EIF2AK4: variants seen among roughly 807,000 people sequenced by gnomAD.
EIF2AK4 encodes eukaryotic translation initiation factor 2 alpha kinase 4, also known as eIF-2-alpha kinase GCN2.
Under a neutral mutation model 211.1 loss-of-function variants are expected in EIF2AK4, and 139 were observed. That is an observed-to-expected ratio of 0.66 (90% CI 0.57 to 0.76). The LOEUF (loss-of-function observed/expected upper bound fraction) is 0.76. EIF2AK4 is among the 30% of genes least tolerant of loss of function. The probability of loss-of-function intolerance (pLI) is 0.00; values close to 1 mark genes in which losing one functional copy is unlikely to be tolerated. For synonymous variants in EIF2AK4, 710 were observed against 751.3 expected (o/e 0.94, Z 0.90); for missense variants, 1,664 against 2,043.8 (o/e 0.81, Z 3.58).
rs377271939 is a variant in EIF2AK4, at chr15:40,003,691, A to G, written c.3357+377A>G. Among the ~76,000 whole-genome samples the G allele has an allele frequency of 1.4e-4, 22 of 152,312 alleles. No homozygotes were observed. In the East Asian group the frequency reaches 2.3e-3, roughly 16 times the overall value. Reference sequence around the variant, plus strand: ...CTTCAGTAAACATCCTAACATGTTAATGCCTAGAACAGTTAAATTCTTCTA... The same window carrying G: ...CTTCAGTAAACATCCTAACATGTTAGTGCCTAGAACAGTTAAATTCTTCTA... On this transcript the variant is annotated intron_variant, in intron 23 of 38. Transcript: ENST00000263791.
intron 11 of EIF2AK4, chr15:39,975,008 C>T (rs2034674656): frequency 6.6e-6 from 1 of 152,126 alleles, no homozygotes; most frequent in African/African-American, 2.4e-5. Context: ...GACAGGAGAT[C>T]GAAAGGCAAT....
At position 39,976,777 on chromosome 15, in the gene EIF2AK4, C is replaced by A; in HGVS notation, c.2182C>A (p.Pro728Thr). The change falls in exon 12 of 39, where the codon CCG becomes ACG. Residue 728 changes from proline to threonine, a missense_variant. Pro to Thr is a conservative substitution (Grantham distance 38, BLOSUM62 -1). Transcript: ENST00000263791. Reference protein sequence around the residue: ...SASARFPATGPGSSDDEDDDE... With the variant: ...SASARFPATGTGSSDDEDDDE... Reference sequence around the variant, plus strand: ...CAGTGCCCGTTTCCCCGCCACCGGCCCGGGCTCCAGCGATGACGAGGACGA... The same window carrying A: ...CAGTGCCCGTTTCCCCGCCACCGGCACGGGCTCCAGCGATGACGAGGACGA... 6.3e-7 allele frequency: 1 copy of A among 1,590,052 alleles called. No homozygotes were observed.
Position 39,992,243 on chromosome 15 carries a change from A to G in EIF2AK4, c.2686+14A>G. 1 of 1,595,638 alleles carries G rather than the reference A, an allele frequency of 6.3e-7. No homozygotes were observed. Among genetic ancestry groups the G allele is most frequent in the East Asian group, 2.2e-5 (1 of 44,576 alleles). Reference sequence around the variant, plus strand: ...CAGACCCTTCAGGTAAACCCAGAAGACTATATATTTCATCCATGTGTTAAA... The same window carrying G: ...CAGACCCTTCAGGTAAACCCAGAAGGCTATATATTTCATCCATGTGTTAAA... On this transcript the variant is annotated intron_variant, in intron 17 of 38. Transcript: ENST00000263791.
intron 27 of EIF2AK4, 128 bp from the exon 28 acceptor site, chr15:40,016,374 T>A: frequency 8.4e-7 from 1 of 1,185,934 alleles, no homozygotes; most frequent in Non-Finnish European, 1.2e-6. Context: ...AAGCCTAAAA[T>A]AATCTTTGAC....
intron 12 of EIF2AK4, 132 bp downstream of exon 12, chr15:39,976,976 G>A: frequency 8.4e-7 from 1 of 1,187,942 alleles, no homozygotes; most frequent in Admixed American, 4.0e-5. Context: ...TTTGAGATAG[G>A]GTCTTGCTCT....
At position 40,017,236 on chromosome 15, in the gene EIF2AK4, C is replaced by T; in HGVS notation, c.4059C>T (p.Asp1353=). ...PEILAAGGRY[D]LLIPQFRGPQ... Reference sequence around the variant, plus strand: ...TCCTCGCAGCTGGAGGCAGATATGACCTGCTGGTGAGGGCTTGCCCTTTAT... The same window carrying T: ...TCCTCGCAGCTGGAGGCAGATATGATCTGCTGGTGAGGGCTTGCCCTTTAT... The change falls in exon 29 of 39, where the codon GAC becomes GAT. Residue 1353 remains aspartate (D), a synonymous_variant. Coordinates refer to ENST00000263791, the MANE Select transcript of EIF2AK4 (RefSeq NM_001013703.4). 1 of 1,612,324 alleles carries T rather than the reference C, an allele frequency of 6.2e-7. No homozygotes were observed. Among genetic ancestry groups the T allele is most frequent in the Non-Finnish European group, 8.5e-7 (1 of 1,178,618 alleles).
intron 7 of EIF2AK4, among the ~76,000 whole-genome samples, chr15:39,963,260 C>G (rs533959910): frequency 6.6e-6 from 1 of 152,294 alleles, no homozygotes; most frequent in Admixed American, 6.5e-5. Flanking sequence ...GTCCTTGACT[C>G]AGACATTTCA....
chr15:40,027,734 C>G (rs188021771), intron 33 of EIF2AK4, among the ~76,000 whole-genome samples: 48 of 151,908 alleles, frequency 3.2e-4, no homozygotes, highest in African/African-American at 9.7e-4. Context: ...ACTAAAGATA[C>G]AAAAAAATTA....
chr15:39,971,074 C>T (rs1295982262), intron 9 of EIF2AK4, among the ~76,000 whole-genome samples: 4 of 152,264 alleles, frequency 2.6e-5, no homozygotes, highest in East Asian at 3.9e-4. Flanking sequence ...GCTACCAAGT[C>T]GTACTACTTG....
At chr15:39,954,394 AG>A (rs1218092915) in intron 5 of EIF2AK4, among the ~76,000 whole-genome samples, 1 of 152,212 alleles carries the variant, frequency 6.6e-6, no homozygotes, top group Non-Finnish European at 1.5e-5. Flanking sequence ...CTGGGATTAC[AG>A]GCGTATGCCA....
Position 39,976,819 on chromosome 15 carries a change from G to C in EIF2AK4, c.2224G>C (p.Gly742Arg). The C allele has an allele frequency of 6.5e-7, 1 of 1,548,610 alleles. No homozygotes were observed. Among genetic ancestry groups the C allele is most frequent in the South Asian group, 1.2e-5 (1 of 82,546 alleles). ...DDEDDDEDEHGGVFSQSFLPA... is the reference protein window; with the variant it reads ...DDEDDDEDEHRGVFSQSFLPA... ...CGAGGACGACGACGAGGACGAGCAC[G>C]GTGGCGTCTTCTCCCAGTCCTTCCT... The change falls in exon 12 of 39, where the codon GGT becomes CGT. Residue 742 changes from glycine (G) to arginine (R), a missense_variant. By Grantham distance (125) the Gly-to-Arg change is moderately radical (BLOSUM62 -2). Transcript: ENST00000263791.
Position 40,035,319 on chromosome 15 carries a change from A to C in EIF2AK4, c.*235A>C, listed in dbSNP as rs2035601645. 2 of 279,890 alleles carry C rather than the reference A, an allele frequency of 7.1e-6. No homozygotes were observed. The highest frequency in any genetic ancestry group is 1.3e-5 in the Non-Finnish European group (2 of 152,312). The allele number at this position is 279,890 out of a possible 1,614,324, so 17.3% of individuals were successfully genotyped here. A position where few individuals can be genotyped will look rare whatever the true frequency, so the allele number is the denominator to read the frequency against. ...ACCCCATCTCTATAAAAACTAAAAA[A>C]ATTAGTTGGGCATGGTGGCACATGC... On this transcript the variant is annotated 3_prime_UTR_variant, in exon 39 of 39. Transcript: ENST00000263791.
intron 3 of EIF2AK4, among the ~76,000 whole-genome samples, chr15:39,946,279 C>CA (rs2034226549): frequency 6.6e-6 from 1 of 152,122 alleles, no homozygotes; most frequent in South Asian, 2.1e-4. Flanking sequence ...GTCAAAACAT[C>CA]AACATGAACA....
At chr15:39,990,178 C>G (rs984811319) in intron 15 of EIF2AK4, 95 bp from the exon 16 acceptor site, 1 of 1,229,576 alleles carries the variant, frequency 8.1e-7, no homozygotes. Flanking sequence ...AGACCTCATA[C>G]GATTTTCATC....
intron 38 of EIF2AK4, 73 bp from the exon 39 acceptor site, chr15:40,034,954 A>T: frequency 8.1e-7 from 1 of 1,235,582 alleles, no homozygotes; most frequent in Non-Finnish European, 1.1e-6. Flanking sequence ...TACAGGTGTT[A>T]TAAAAATTTA....
At chr15:40,001,247 A>G (rs1595420956) in intron 21 of EIF2AK4, 23 bp downstream of exon 21, 5 of 1,608,196 alleles carry the variant, frequency 3.1e-6, no homozygotes, top group Non-Finnish European at 4.2e-6. Context: ...CACGCTGCAC[A>G]AAGGGAGCTT....
intron 23 of EIF2AK4, among the ~76,000 whole-genome samples, 198 bp downstream of exon 23, chr15:40,003,512 T>C (rs1424077884): frequency 6.6e-6 from 1 of 152,224 alleles, no homozygotes; most frequent in Non-Finnish European, 1.5e-5. Context: ...ACCTTCCTAA[T>C]AGCTCAGGTG....
Position 40,035,070 on chromosome 15 carries a change from A to T in EIF2AK4, c.4936A>T (p.Arg1646Ter), listed in dbSNP as rs775047726. ...FLYSYRDDYY[R>*]ILF Reference sequence around the variant, plus strand: ...GTACAGCTATAGAGATGACTACTACAGAATCTTATTTTAACCCTAAAGAAC... The same window carrying T: ...GTACAGCTATAGAGATGACTACTACTGAATCTTATTTTAACCCTAAAGAAC... Residue 1646 changes from arginine to a stop codon, truncating the protein, a stop_gained, in exon 39 of 39, where the codon AGA (arginine) becomes TGA (stop). Coordinates refer to ENST00000263791, the MANE Select transcript of EIF2AK4 (RefSeq NM_001013703.4). LOFTEE classifies it high-confidence loss of function. 1 of 1,583,598 alleles carries T rather than the reference A, an allele frequency of 6.3e-7. No individual in the cohort carries two copies. Among genetic ancestry groups the T allele is most frequent in the Non-Finnish European group, 8.6e-7 (1 of 1,165,106 alleles).
intron 27 of EIF2AK4, among the ~76,000 whole-genome samples, chr15:40,012,785 A>G (rs2035251852): frequency 6.6e-6 from 1 of 152,218 alleles, no homozygotes; most frequent in African/African-American, 2.4e-5. Flanking sequence ...CGATGATGCT[A>G]AGTGTTAATT....
Sources: gnomAD v4.1 joint callset for allele counts (sites outside exome capture counted in the v4.1 genomes callset) on GRCh38, gnomAD v4.1.1 for gene constraint, MANE v1.5 for transcripts, NCBI Gene and HGNC (gene_info 2026-07-23, HGNC 2026-07-21) for gene names.